ATAD2B: variants seen among roughly 807,000 people sequenced by gnomAD.
ATAD2B encodes the protein ATPase family AAA domain-containing protein 2B.
ATAD2B carries 40 observed loss-of-function variants against 167.6 expected under a neutral mutation model. The ratio of observed to expected loss-of-function variants is 0.24; its 90% confidence interval spans 0.19 to 0.31. The LOEUF (loss-of-function observed/expected upper bound fraction) is 0.31. ATAD2B is among the 10% of genes least tolerant of loss of function. The pLI, the probability that ATAD2B is intolerant of heterozygous loss-of-function variation, is 1.00. For synonymous variants in ATAD2B, 579 were observed against 596.5 expected (o/e 0.97, Z 0.43); for missense variants, 1,242 against 1,757.2 (o/e 0.71, Z 5.24).
chr2:23,693,990 C>T, the ATAD2B span, among the ~76,000 whole-genome samples: 2 of 152,162 alleles, frequency 1.3e-5, no homozygotes, highest in African/African-American at 4.8e-5. Flanking sequence ...CCATTGAGCC[C>T]CAGAGAAAGG....
intron 5 of ATAD2B, 62 bp from the exon 6 acceptor site, chr2:23,884,935 A>G (rs1573246336): frequency 1.9e-6 from 2 of 1,073,346 alleles, no homozygotes; most frequent in East Asian, 5.5e-5. Context: ...ACAAAAAAAC[A>G]ACCCAATGGG....
intron 22 of ATAD2B, among the ~76,000 whole-genome samples, chr2:23,781,221 C>T (rs1052191529): frequency 6.6e-6 from 1 of 152,006 alleles, no homozygotes; most frequent in African/African-American, 2.4e-5. Context: ...CACAGAACAC[C>T]AGTATCAGAC....
At chr2:23,719,952 C>T in the ATAD2B span, among the ~76,000 whole-genome samples, 2 of 152,220 alleles carry the variant, frequency 1.3e-5, no homozygotes, top group Non-Finnish European at 2.9e-5. Context: ...GTCCCCTGGG[C>T]ACGAGTCCTT....
the ATAD2B span, chr2:23,691,896 A>G: frequency 1.9e-6 from 3 of 1,545,418 alleles, no homozygotes; most frequent in Non-Finnish European, 2.6e-6. Flanking sequence ...GGGGCCACAT[A>G]TGTCGCTTGG....
intron 20 of ATAD2B, 167 bp downstream of exon 20, chr2:23,788,345 C>T (rs1166710129): frequency 1.4e-6 from 1 of 711,020 alleles, no homozygotes; most frequent in African/African-American, 1.8e-5. Flanking sequence ...TTCCCAATCT[C>T]AAGTCAGGTG....
At chr2:23,701,807 T>C in the ATAD2B span, among the ~76,000 whole-genome samples, 9 of 142,560 alleles carry the variant, frequency 6.3e-5, 1 homozygote, top group South Asian at 4.8e-4. Flanking sequence ...TTTTTTTTTT[T>C]TTTTTTTTTT....
intron 19 of ATAD2B, 118 bp downstream of exon 19, chr2:23,798,020 C>T (rs1682884418): frequency 3.0e-6 from 2 of 659,916 alleles, no homozygotes; most frequent in Non-Finnish European, 4.8e-6. Context: ...GGCAGTTACA[C>T]CCAGGATATA....
At chr2:23,865,924 A>C in intron 10 of ATAD2B, 1 of 934,546 alleles carries the variant, frequency 1.1e-6, no homozygotes, top group Non-Finnish European at 1.3e-6. Flanking sequence ...ATTTTACCCA[A>C]AGTGTTAACT....
intron 1 of ATAD2B, among the ~76,000 whole-genome samples, chr2:23,919,111 G>C (rs1235316914): frequency 6.6e-6 from 1 of 152,118 alleles, no homozygotes; most frequent in Admixed American, 6.6e-5. Context: ...GGAAGGCCAA[G>C]GTGGGAGGAT....
At chr2:23,886,119 A>C (rs13415783) in intron 4 of ATAD2B, among the ~76,000 whole-genome samples, 1 of 151,424 alleles carries the variant, frequency 6.6e-6, no homozygotes. Context: ...TAACTTTTAT[A>C]TTTTTTTGTG....
At chr2:23,710,522 G>A in the ATAD2B span, among the ~76,000 whole-genome samples, 55 of 152,300 alleles carry the variant, frequency 3.6e-4, no homozygotes, top group South Asian at 4.6e-3. Context: ...GGCAGACGCC[G>A]GGTATCAGGA....
Position 23,872,690 on chromosome 2 carries a change from T to C in ATAD2B, c.978-2929A>G, listed in dbSNP as rs527578144. The C allele has an allele frequency of 7.7e-6, 10 of 1,301,356 alleles. No homozygotes were observed. The East Asian group carries it at 1.8e-4, about 24-fold the overall frequency. The allele number at this position is 1,301,356 out of a possible 1,614,324, so 80.6% of individuals were successfully genotyped here. A position where few individuals can be genotyped will look rare whatever the true frequency, so the allele number is the denominator to read the frequency against. On this transcript the variant is annotated intron_variant, in intron 8 of 27. Coordinates refer to ENST00000238789, the MANE Select transcript of ATAD2B (RefSeq NM_017552.4). The stretch of plus-strand genomic sequence containing the variant: ...CCAGATCTTCACCTGGGCCTCACCA[T>C]GCTTTGCAGCAGTTTCTGCTTTACT...
intron 4 of ATAD2B, among the ~76,000 whole-genome samples, chr2:23,886,659 C>T (rs1254985279): frequency 1.3e-5 from 2 of 152,096 alleles, no homozygotes; most frequent in African/African-American, 2.4e-5. Flanking sequence ...AGGCCGGGAG[C>T]GGTGGCTCAC....
At chr2:23,776,694 C>T (rs1412119733) in intron 22 of ATAD2B, among the ~76,000 whole-genome samples, 1 of 152,144 alleles carries the variant, frequency 6.6e-6, no homozygotes, top group Non-Finnish European at 1.5e-5. Flanking sequence ...AACCAGGTAA[C>T]GTATTTCTAA....
intron 22 of ATAD2B, among the ~76,000 whole-genome samples, chr2:23,780,270 TG>T (rs1297250553): frequency 5.5e-3 from 114 of 20,686 alleles, no homozygotes; most frequent in African/African-American, 0.012. Context: ...TATATACTTG[TG>T]TGTGTGTGTG....
At position 23,857,482 on chromosome 2, in the gene ATAD2B, T is replaced by C. The variant is rs764028465; in HGVS notation, c.1501A>G (p.Ile501Val). The change falls in exon 13 of 28, where the codon ATA becomes GTA. Residue 501 changes from isoleucine to valine, a missense_variant. Physicochemically the swap from Ile to Val is conservative, Grantham distance 29. Around this residue, in one of 9 missense-constraint regions of ATAD2B, gnomAD observed 151 missense variants for 284.1 expected, o/e 0.53. Coordinates refer to ENST00000238789, the MANE Select transcript of ATAD2B (RefSeq NM_017552.4). ...CCATCTATTTCATCAAAAAATATTA[T>C]AGAAGGTCTCATCAAATATGCCTAG... ...FDQAYLMRPS[I>V]IFFDEIDGLA... is the part of the protein sequence containing the mutation. 33 of 1,500,506 alleles carry C rather than the reference T, an allele frequency of 2.2e-5. No homozygotes were observed. The highest frequency in any genetic ancestry group is 4.9e-5 in the Admixed American group (2 of 40,584). The allele number at this position is 1,500,506 out of a possible 1,614,324, so 92.9% of individuals were successfully genotyped here.
the ATAD2B span, among the ~76,000 whole-genome samples, chr2:23,694,209 C>T: frequency 2.0e-5 from 3 of 152,244 alleles, no homozygotes; most frequent in Non-Finnish European, 2.9e-5. Context: ...TTCACCAAGC[C>T]GAAAGCCTAC....
chr2:23,706,835 C>T, the ATAD2B span: 10 of 545,728 alleles, frequency 1.8e-5, no homozygotes, highest in African/African-American at 1.8e-4. Flanking sequence ...TCATCCTCGC[C>T]TTTGGATGAA....
chr2:23,888,385 G>T lies in ATAD2B; in HGVS notation c.383C>A (p.Pro128His). The change falls in exon 3 of 28, where the codon CCT (proline) becomes CAT (histidine). Residue 128 changes from proline (P) to histidine (H), a missense_variant. Pro to His is a moderately conservative substitution (Grantham distance 77). This residue lies in a region of ATAD2B where 199 missense variants were observed against 194.9 expected (regional missense o/e 1.02). Transcript: ENST00000238789. ...STGQARLTSQPGATLPNGHSG... is the reference protein window; with the variant it reads ...STGQARLTSQHGATLPNGHSG... ...ATGTCCATTTGGTAATGTAGCACCA[G>T]GCTGAGAAGTTAACCTAGAACACAA... The T allele has an allele frequency of 1.3e-6, 2 of 1,591,144 alleles. No homozygotes were observed. Among genetic ancestry groups the T allele is most frequent in the Admixed American group, 1.8e-5 (1 of 55,264 alleles).
Sources: allele counts gnomAD v4.1 joint callset (sites outside exome capture counted in the v4.1 genomes callset), GRCh38; gene constraint gnomAD v4.1.1; regional missense constraint gnomAD v4.1.1; transcripts MANE v1.5; gene names NCBI Gene and HGNC (gene_info 2026-07-23, HGNC 2026-07-21).